CBFA2T3: variants seen among roughly 807,000 people sequenced by gnomAD.
The protein encoded by CBFA2T3 is CBFA2/RUNX1 partner transcriptional co-repressor 3, also known as transcriptional corepressor CBFA2T3.
Under a neutral mutation model 58.6 loss-of-function variants are expected in CBFA2T3, and 31 were observed. The observed-to-expected ratio is 0.53, with a 90% CI of 0.40 to 0.71. The LOEUF (loss-of-function observed/expected upper bound fraction) is 0.71, where lower values mean the gene tolerates loss of function less well. Ranked by LOEUF, CBFA2T3 falls within the 30% of genes least tolerant of loss-of-function variation. CBFA2T3 has a pLI of 0.00. For missense variants in CBFA2T3, 1,076 were observed against 963.1 expected, an observed-to-expected ratio of 1.12 and a Z score of -1.55; for synonymous variants, 531 against 421.9, an observed-to-expected ratio of 1.26 and a Z score of -3.17.
chr16:88,887,272 C>A (rs1334475200), intron 5 of CBFA2T3: 3 of 152,274 alleles, frequency 2.0e-5, no homozygotes, highest in Non-Finnish European at 4.4e-5. Flanking sequence ...CAGGGGCCAA[C>A]CGGCCATCTG....
chr16:88,885,182 G>A lies in CBFA2T3; in HGVS notation c.981C>T (p.Tyr327=), dbSNP rs747177846. 2 of 1,603,940 alleles carry A rather than the reference G, an allele frequency of 1.2e-6. No homozygotes were observed. Among genetic ancestry groups the A allele is most frequent in the Non-Finnish European group, 1.7e-6 (2 of 1,174,876 alleles). The part of the protein sequence containing the change: ...RPCTLNPAQR[Y]SPSNGPPQPT... ...GCTGCGGTGGCCCGTTGCTGGGGCT[G>A]TAGCGCTGGGCAGGGTTCAGGGTGC... The change falls in exon 7 of 12, where the codon TAC becomes TAT. Residue 327 remains tyrosine (Y), a synonymous_variant. Coordinates refer to ENST00000268679, the MANE Select transcript of CBFA2T3 (RefSeq NM_005187.6). The surrounding 1 kb of genome is among the most constrained non-coding windows in gnomAD (Gnocchi z 5.3).
chr16:88,886,233 A>C (rs1261051336), intron 5 of CBFA2T3, 91 bp from the exon 6 acceptor site: 1 of 971,074 alleles, frequency 1.0e-6, no homozygotes, highest in Non-Finnish European at 1.4e-6. Context: ...TGGGTGGCCG[A>C]AAGCTCAACT....
intron 1 of CBFA2T3, among the ~76,000 whole-genome samples, chr16:88,949,871 G>A (rs866320618): frequency 4.6e-5 from 7 of 152,026 alleles, no homozygotes; most frequent in Middle Eastern, 3.4e-3. Context: ...TTAGCTGGGC[G>A]TGGTGGTGGG....
At chr16:88,928,593 C>A (rs180676593) in intron 1 of CBFA2T3, among the ~76,000 whole-genome samples, 1 of 152,248 alleles carries the variant, frequency 6.6e-6, no homozygotes, top group Non-Finnish European at 1.5e-5. Flanking sequence ...CGACCCCGGG[C>A]GCTGTCACCC....
At chr16:88,894,211 C>G (rs1969772693) in intron 3 of CBFA2T3, among the ~76,000 whole-genome samples, 1 of 140,062 alleles carries the variant, frequency 7.1e-6, no homozygotes, top group Admixed American at 7.1e-5. Context: ...AATGTACACA[C>G]ATGCACGCAC....
chr16:88,930,363 C>A lies in CBFA2T3; in HGVS notation c.152-28707G>T, dbSNP rs934418951. Reference sequence around the variant, plus strand: ...CTGCATCGTCCACGCAAAAGCTACCCATGCCCACAGCTGCATCGTCCACGC... The same window carrying A: ...CTGCATCGTCCACGCAAAAGCTACCAATGCCCACAGCTGCATCGTCCACGC... On this transcript the variant is annotated intron_variant, in intron 1 of 11. Transcript: ENST00000268679. 5.8e-3 allele frequency among the ~76,000 whole-genome samples: 742 copies of A among 127,536 alleles called. 69 individuals carry two copies. The highest frequency in any genetic ancestry group is 0.024 in the African/African-American group (678 of 28,254). 83.7% of individuals were successfully genotyped at this position (127,536 alleles called of 152,430 possible).
At chr16:88,919,579 A>G (rs555284187) in intron 1 of CBFA2T3, among the ~76,000 whole-genome samples, 137 of 152,328 alleles carry the variant, frequency 9.0e-4, no homozygotes, top group Middle Eastern at 3.4e-3. Context: ...TCACAAGGGC[A>G]AAACCCACTC....
chr16:88,892,633 A>G, intron 3 of CBFA2T3, 148 bp from the exon 4 acceptor site: 1 of 979,016 alleles, frequency 1.0e-6, no homozygotes, highest in African/African-American at 1.6e-5. Flanking sequence ...AGCGCTGAGG[A>G]TGACAGCAGG....
intron 1 of CBFA2T3, among the ~76,000 whole-genome samples, chr16:88,960,427 C>T (rs550223258): frequency 7.9e-5 from 12 of 152,308 alleles, no homozygotes; most frequent in African/African-American, 2.6e-4. Context: ...AGAAGGCCCT[C>T]GGGAGTGTCA....
intron 1 of CBFA2T3, among the ~76,000 whole-genome samples, chr16:88,972,644 C>T (rs556755772): frequency 6.6e-6 from 1 of 152,352 alleles, no homozygotes; most frequent in East Asian, 1.9e-4. Flanking sequence ...GCAGCAAGAT[C>T]CTCACATCTC....
At chr16:88,970,592 T>C (rs918146403) in intron 1 of CBFA2T3, among the ~76,000 whole-genome samples, 7 of 152,240 alleles carry the variant, frequency 4.6e-5, no homozygotes, top group Non-Finnish European at 1.0e-4. Context: ...GATTGCCGTC[T>C]GCCCCTTCCC....
At chr16:88,882,561 TGGGCATGGCTGTGG>T in intron 8 of CBFA2T3, 101 bp downstream of exon 8, 1 of 664,982 alleles carries the variant, frequency 1.5e-6, no homozygotes, top group Non-Finnish European at 2.6e-6. Context: ...TGGCTGTGTG[TGGGCATGGCTGTGG>T]GCGTGGCTGT....
intron 1 of CBFA2T3, among the ~76,000 whole-genome samples, chr16:88,936,198 G>C (rs7185796): frequency 0.026 from 3,979 of 152,294 alleles, 199 homozygotes; most frequent in African/African-American, 0.092. Flanking sequence ...GGGCCACCAG[G>C]GTGCGCAGGA....
At chr16:88,969,141 G>A (rs1383472196) in intron 1 of CBFA2T3, among the ~76,000 whole-genome samples, 5 of 152,326 alleles carry the variant, frequency 3.3e-5, no homozygotes, top group Admixed American at 6.5e-5. Context: ...AGCCTGGCCC[G>A]GATGCCGCCG....
At chr16:88,931,951 C>T (rs566842221) in intron 1 of CBFA2T3, among the ~76,000 whole-genome samples, 1 of 152,214 alleles carries the variant, frequency 6.6e-6, no homozygotes, top group Non-Finnish European at 1.5e-5. Context: ...TGTGGGGATC[C>T]CCTGTGAGTC....
chr16:88,928,502 G>A (rs1461137608), intron 1 of CBFA2T3, among the ~76,000 whole-genome samples: 5 of 152,244 alleles, frequency 3.3e-5, no homozygotes, highest in Non-Finnish European at 1.5e-5. Flanking sequence ...AATCAAATAC[G>A]ACGGCAGCTT....
chr16:88,949,998 C>T (rs1332637729), intron 1 of CBFA2T3, among the ~76,000 whole-genome samples: 1 of 151,900 alleles, frequency 6.6e-6, no homozygotes, highest in East Asian at 1.9e-4. Context: ...GACAGAGATT[C>T]TGTCTGAAAA....
At chr16:88,888,313 C>T (rs983167455) in intron 5 of CBFA2T3, among the ~76,000 whole-genome samples, 1 of 148,708 alleles carries the variant, frequency 6.7e-6, no homozygotes, top group African/African-American at 2.5e-5. Flanking sequence ...TGGGAAGGTG[C>T]TACCCCTCCC....
rs1027100190 is a variant in CBFA2T3, at chr16:88,926,569, C to T, written c.152-24913G>A. ...TTTGTCATGCGTCACACCAGGTGGC[C>T]CTGGGTCAGCCAACGAGCTTTGTGT... On this transcript the variant is annotated intron_variant, in intron 1 of 11. Transcript: ENST00000268679. Among the ~76,000 whole-genome samples the T allele has an allele frequency of 7.9e-5, 12 of 152,188 alleles. No individual in the cohort carries two copies. The South Asian group carries it at 8.3e-4, about 11-fold the overall frequency.
Sources: allele counts gnomAD v4.1 joint callset (sites outside exome capture counted in the v4.1 genomes callset), GRCh38; gene constraint gnomAD v4.1.1; non-coding constraint Gnocchi (gnomAD v3.1); transcripts MANE v1.5; gene names NCBI Gene and HGNC (gene_info 2026-07-23, HGNC 2026-07-21).